CNKSR2: variants seen among roughly 807,000 people sequenced by gnomAD.
CNKSR2 encodes the protein CNK homolog protein 2.
A neutral mutation model predicts 84.4 loss-of-function variants in CNKSR2; 14 were observed. The observed-to-expected ratio is 0.17, with a 90% CI of 0.11 to 0.26. The LOEUF is 0.26. CNKSR2 is among the 10% of genes least tolerant of loss of function. CNKSR2 has a pLI of 1.00. For missense variants in CNKSR2, 485 were observed against 771.2 expected (o/e 0.63, Z 4.40); for synonymous variants, 275 against 277.9 (o/e 0.99, Z 0.10).
chrX:21,442,767 A>G (rs1421448031), intron 4 of CNKSR2, among the ~76,000 whole-genome samples: 1 of 111,992 alleles, frequency 8.9e-6, no homozygotes, highest in African/African-American at 3.2e-5. Context: ...GCCCATCAGT[A>G]GTAGACTAGA....
Position 21,648,921 on chromosome X carries a change from G to A in CNKSR2, c.2783G>A (p.Arg928His). The A allele has an allele frequency of 8.4e-7, 1 of 1,196,091 alleles. No homozygotes were observed. Among genetic ancestry groups the A allele is most frequent in the Non-Finnish European group, 1.1e-6 (1 of 885,569 alleles). Residue 928 changes from arginine to histidine, a missense_variant, in exon 21 of 22, where the codon CGT (arginine) becomes CAT (histidine). Physicochemically the swap from Arg to His is conservative, Grantham distance 29 (BLOSUM62 0). Around this residue, in one of 5 missense-constraint regions of CNKSR2, gnomAD observed 210 missense variants for 291.5 expected, o/e 0.72. Transcript: ENST00000379510. ...QASLSPLGEHRISTKMEYKLS... is the reference protein window; with the variant it reads ...QASLSPLGEHHISTKMEYKLS... Reference sequence around the variant, plus strand: ...AGTCTGTCACCACTAGGAGAACATCGTATTTCAACCAAGATGGAATACAAG... The same window carrying A: ...AGTCTGTCACCACTAGGAGAACATCATATTTCAACCAAGATGGAATACAAG...
At chrX:21,476,170 A>G (rs865880704) in intron 5 of CNKSR2, among the ~76,000 whole-genome samples, 8 of 111,322 alleles carry the variant, frequency 7.2e-5, no homozygotes, top group Middle Eastern at 4.6e-3. Flanking sequence ...AAGTAGGTTT[A>G]TTATGAACAC....
At chrX:21,456,690 C>T (rs182382319) in intron 4 of CNKSR2, among the ~76,000 whole-genome samples, 204 of 111,654 alleles carry the variant, frequency 1.8e-3, no homozygotes, top group Non-Finnish European at 3.1e-3. Flanking sequence ...AACCAGACAT[C>T]TTTTCAATAT....
chrX:21,539,617 C>T (rs1476613900), intron 11 of CNKSR2, among the ~76,000 whole-genome samples: 1 of 110,855 alleles, frequency 9.0e-6, no homozygotes, highest in Non-Finnish European at 1.9e-5. Context: ...TCTGGTGAAG[C>T]AGTCACTTCT....
intron 4 of CNKSR2, among the ~76,000 whole-genome samples, chrX:21,451,327 A>G (rs2090925641): frequency 9.0e-6 from 1 of 111,212 alleles, no homozygotes; most frequent in Non-Finnish European, 1.9e-5. Flanking sequence ...ATACCATTTG[A>G]CCCAGCCATC....
chrX:21,522,683 CAAAGA>C, intron 9 of CNKSR2, among the ~76,000 whole-genome samples: 1 of 110,314 alleles, frequency 9.1e-6, no homozygotes, highest in Non-Finnish European at 1.9e-5. Context: ...TTGGGGCGCA[CAAAGA>C]AAAGACCTCA....
intron 1 of CNKSR2, among the ~76,000 whole-genome samples, chrX:21,403,171 T>C (rs1008734386): frequency 1.8e-5 from 2 of 111,129 alleles, no homozygotes; most frequent in African/African-American, 6.5e-5. Context: ...GAAAATTTTC[T>C]TCTAACATGG....
chrX:21,498,879 T>C (rs772563364), intron 7 of CNKSR2, among the ~76,000 whole-genome samples: 4 of 112,002 alleles, frequency 3.6e-5, no homozygotes, highest in Non-Finnish European at 5.7e-5. Flanking sequence ...TAAAGAAGAC[T>C]GAGGTGGAAT....
At chrX:21,375,549 G>A (rs113756511) in intron 1 of CNKSR2, among the ~76,000 whole-genome samples, 11 of 112,257 alleles carry the variant, frequency 9.8e-5, no homozygotes, top group African/African-American at 3.2e-4. Flanking sequence ...GTGCTACTTT[G>A]AGGGTGAGGA....
intron 7 of CNKSR2, among the ~76,000 whole-genome samples, chrX:21,499,502 G>A: frequency 9.0e-6 from 1 of 111,012 alleles, no homozygotes; most frequent in Non-Finnish European, 1.9e-5. Flanking sequence ...TCTCAGGTCT[G>A]CAAAAAAATG....
At chrX:21,410,028 G>GT (rs918350216) in intron 1 of CNKSR2, among the ~76,000 whole-genome samples, 64 of 93,358 alleles carry the variant, frequency 6.9e-4, no homozygotes, top group Non-Finnish European at 1.1e-3. Flanking sequence ...AAGCCTAATT[G>GT]TGTCTGTGTG....
intron 12 of CNKSR2, among the ~76,000 whole-genome samples, 169 bp from the exon 13 acceptor site, chrX:21,563,069 G>T (rs756934397): frequency 9.0e-6 from 1 of 111,450 alleles, no homozygotes; most frequent in Admixed American, 9.5e-5. Flanking sequence ...TTAAAGTTCT[G>T]AAATGAAATA....
intron 1 of CNKSR2, among the ~76,000 whole-genome samples, chrX:21,400,835 C>G (rs755325709): frequency 1.8e-5 from 2 of 110,826 alleles, no homozygotes; most frequent in Admixed American, 9.6e-5. Context: ...GAATAAAATG[C>G]CTTAATTCTT....
At chrX:21,435,997 G>A in intron 3 of CNKSR2, among the ~76,000 whole-genome samples, 1 of 111,303 alleles carries the variant, frequency 9.0e-6, no homozygotes. Context: ...AGATTTCTCT[G>A]AAATTTTTTG....
intron 20 of CNKSR2, among the ~76,000 whole-genome samples, chrX:21,621,303 T>C (rs2092600541): frequency 8.9e-6 from 1 of 111,839 alleles, no homozygotes; most frequent in South Asian, 3.7e-4. Context: ...GCTTTAATGT[T>C]ATCAAGTGAT....
At chrX:21,519,629 G>T (rs772406393) in intron 9 of CNKSR2, among the ~76,000 whole-genome samples, 2 of 110,715 alleles carry the variant, frequency 1.8e-5, no homozygotes, top group East Asian at 5.7e-4. Flanking sequence ...TGGAAATGAG[G>T]TTATTTCTTT....
At chrX:21,444,701 G>T (rs1195446629) in intron 4 of CNKSR2, among the ~76,000 whole-genome samples, 2 of 108,606 alleles carry the variant, frequency 1.8e-5, no homozygotes, top group Non-Finnish European at 3.8e-5. Context: ...AAGGAGTGAT[G>T]CTCTGCTTAC....
At chrX:21,629,750 T>C (rs756249816) in intron 20 of CNKSR2, among the ~76,000 whole-genome samples, 8 of 112,295 alleles carry the variant, frequency 7.1e-5, no homozygotes, top group Non-Finnish European at 1.5e-4. Context: ...ACCATATCAA[T>C]GTGTAAAGTA....
chrX:21,633,141 G>A (rs955465642), intron 20 of CNKSR2, among the ~76,000 whole-genome samples: 1 of 110,477 alleles, frequency 9.1e-6, no homozygotes, highest in Non-Finnish European at 1.9e-5. Flanking sequence ...ATCCCCTCCC[G>A]GAAAATGGCA....
Sources: gnomAD v4.1 joint callset for allele counts (sites outside exome capture counted in the v4.1 genomes callset) on GRCh38, gnomAD v4.1.1 for gene constraint, gnomAD v4.1.1 regional missense constraint, MANE v1.5 for transcripts, NCBI Gene and HGNC (gene_info 2026-07-23, HGNC 2026-07-21) for gene names.